Variants in GRID2 observed in about 807,000 individuals in gnomAD.
GRID2 encodes glutamate receptor ionotropic, delta-2.
Under a neutral mutation model 114.8 loss-of-function variants are expected in GRID2, and 33 were observed. The observed-to-expected ratio is 0.29, with a 90% confidence interval of 0.22 to 0.38. The LOEUF (loss-of-function observed/expected upper bound fraction) is 0.38. Among genes scored for constraint, GRID2 ranks in the 10% least tolerant of loss-of-function variants. GRID2 has a pLI of 1.00. For missense variants in GRID2, 1,184 were observed against 1,257.7 expected (o/e 0.94, Z 0.89); for synonymous variants, 505 against 449.9 (o/e 1.12, Z -1.55).
chr4:92,547,934 G>A (rs1726349960), intron 1 of GRID2, among the ~76,000 whole-genome samples: 1 of 152,124 alleles, frequency 6.6e-6, no homozygotes, highest in South Asian at 2.1e-4. Flanking sequence ...CTACTACTGT[G>A]AAATGGAAGA....
At chr4:92,833,505 C>T (rs1742256439) in intron 2 of GRID2, among the ~76,000 whole-genome samples, 1 of 152,180 alleles carries the variant, frequency 6.6e-6, no homozygotes, top group African/African-American at 2.4e-5. Flanking sequence ...CTTTCTTTCT[C>T]TGTAGCAAAT....
At chr4:92,948,746 C>T (rs554418152) in intron 2 of GRID2, among the ~76,000 whole-genome samples, 3 of 152,052 alleles carry the variant, frequency 2.0e-5, no homozygotes, top group Admixed American at 6.6e-5. Context: ...ATACCAGAAT[C>T]GTTTCTTTTG....
At chr4:93,570,302 C>T (rs750602870) in intron 13 of GRID2, among the ~76,000 whole-genome samples, 5 of 152,080 alleles carry the variant, frequency 3.3e-5, no homozygotes, top group Non-Finnish European at 5.9e-5. Flanking sequence ...TCAAATTCAG[C>T]CTCATTCAGC....
At chr4:93,497,644 CA>C (rs552978382) in intron 12 of GRID2, among the ~76,000 whole-genome samples, 118 of 144,104 alleles carry the variant, frequency 8.2e-4, no homozygotes, top group Admixed American at 2.0e-3. Flanking sequence ...CACCTTTGTA[CA>C]AAAAAAAAAA....
chr4:93,375,216 T>A (rs1245694154), intron 8 of GRID2, among the ~76,000 whole-genome samples: 1 of 142,776 alleles, frequency 7.0e-6, no homozygotes. Context: ...TTTTTTCCCT[T>A]TTTTTTTTTT....
At chr4:93,522,973 G>A (rs1245365568) in intron 13 of GRID2, among the ~76,000 whole-genome samples, 1 of 152,144 alleles carries the variant, frequency 6.6e-6, no homozygotes, top group Non-Finnish European at 1.5e-5. Flanking sequence ...AGAAAGCCAA[G>A]TGATAAAAAT....
intron 1 of GRID2, among the ~76,000 whole-genome samples, chr4:92,475,114 T>TATAATAATAATAATAAATA (rs1343615589): frequency 7.5e-6 from 1 of 132,688 alleles, no homozygotes; most frequent in Non-Finnish European, 1.6e-5. Context: ...AAACTTAAAG[T>TATAATAATAATAATAAATA]ATAATAATAA....
intron 1 of GRID2, among the ~76,000 whole-genome samples, chr4:92,477,421 T>G (rs1220083712): frequency 6.6e-6 from 1 of 152,024 alleles, no homozygotes; most frequent in African/African-American, 2.4e-5. Context: ...TTTGACATAC[T>G]ACTGTCGTGG....
At chr4:93,760,147 C>T (rs940203762) in intron 14 of GRID2, among the ~76,000 whole-genome samples, 8 of 152,168 alleles carry the variant, frequency 5.3e-5, no homozygotes, top group Non-Finnish European at 5.9e-5. Flanking sequence ...AGTGATCAAT[C>T]AGTCAATCAA....
chr4:92,642,604 C>T (rs74557917), intron 2 of GRID2, among the ~76,000 whole-genome samples: 8,469 of 151,352 alleles, frequency 0.056, 328 homozygotes, highest in East Asian at 0.16. Context: ...TGTTTATAGT[C>T]TTTTTGTTGT....
At chr4:92,362,042 G>A (rs1728642434) in intron 1 of GRID2, among the ~76,000 whole-genome samples, 1 of 151,956 alleles carries the variant, frequency 6.6e-6, no homozygotes, top group Non-Finnish European at 1.5e-5. Flanking sequence ...AAAAATATGA[G>A]GTGAGACACT....
chr4:93,617,616 T>C (rs950105447), intron 13 of GRID2, among the ~76,000 whole-genome samples: 4 of 152,178 alleles, frequency 2.6e-5, no homozygotes, highest in African/African-American at 7.2e-5. Flanking sequence ...ATGCTGGCAT[T>C]GGTATTATAA....
chr4:92,473,122 T>C (rs889190369), intron 1 of GRID2, among the ~76,000 whole-genome samples: 1 of 152,142 alleles, frequency 6.6e-6, no homozygotes, highest in African/African-American at 2.4e-5. Flanking sequence ...TGCATACGTA[T>C]AGTCAGTACC....
At chr4:93,256,176 G>T (rs1749560464) in intron 8 of GRID2, among the ~76,000 whole-genome samples, 1 of 151,802 alleles carries the variant, frequency 6.6e-6, no homozygotes, top group South Asian at 2.1e-4. Flanking sequence ...TTTGATGGTA[G>T]AAGTAATATT....
At chr4:92,828,064 C>T (rs1741852440) in intron 2 of GRID2, among the ~76,000 whole-genome samples, 1 of 152,000 alleles carries the variant, frequency 6.6e-6, no homozygotes, top group South Asian at 2.1e-4. Flanking sequence ...TGACTTCAAT[C>T]TCCAACTAAA....
intron 2 of GRID2, among the ~76,000 whole-genome samples, chr4:92,760,255 A>AAAAAAAG (rs1560576556): frequency 6.0e-5 from 9 of 150,758 alleles, no homozygotes; most frequent in African/African-American, 4.9e-5. Context: ...AAAAAAAAAA[A>AAAAAAAG]AAAAAAGAAA....
intron 3 of GRID2, among the ~76,000 whole-genome samples, chr4:93,086,850 T>C (rs1365581614): frequency 6.6e-6 from 1 of 152,196 alleles, no homozygotes; most frequent in African/African-American, 2.4e-5. Context: ...CTGTTGATTT[T>C]CTTACAGTCA....
chr4:92,533,442 A>G (rs1274161495), intron 1 of GRID2, among the ~76,000 whole-genome samples: 1 of 132,788 alleles, frequency 7.5e-6, no homozygotes, highest in Non-Finnish European at 1.6e-5. Context: ...TCAAAGTACT[A>G]GGACACATAC....
At chr4:92,537,112 T>G (rs1355066830) in intron 1 of GRID2, among the ~76,000 whole-genome samples, 2 of 152,186 alleles carry the variant, frequency 1.3e-5, no homozygotes, top group Non-Finnish European at 2.9e-5. Flanking sequence ...ATACACAATT[T>G]CACTAAATAA....
Sources: allele counts gnomAD v4.1 joint callset (sites outside exome capture counted in the v4.1 genomes callset), GRCh38; gene constraint gnomAD v4.1.1; transcripts MANE v1.5; gene names NCBI Gene and HGNC (gene_info 2026-07-23, HGNC 2026-07-21).